The following GCLC variants were observed in gnomAD, a reference collection of about 807,000 sequenced individuals.
GCLC encodes the protein glutamate--cysteine ligase catalytic subunit.
GCLC carries 30 observed loss-of-function variants against 81.5 expected under a neutral mutation model. The ratio of observed to expected loss-of-function variants is 0.37; its 90% CI spans 0.28 to 0.50. The LOEUF (loss-of-function observed/expected upper bound fraction) is 0.50. Among genes scored for constraint, GCLC ranks in the 20% least tolerant of loss-of-function variants. The pLI, the probability that GCLC is intolerant of heterozygous loss-of-function variation, is 0.96. For missense variants in GCLC, 556 were observed against 777.4 expected, an observed-to-expected ratio of 0.72 and a Z score of 3.39; for synonymous variants, 262 against 273.3, an observed-to-expected ratio of 0.96 and a Z score of 0.41.
intron 1 of GCLC, among the ~76,000 whole-genome samples, chr6:53,526,339 CAG>C (rs1279287390): frequency 2.6e-5 from 4 of 152,144 alleles, no homozygotes; most frequent in African/African-American, 9.7e-5. Context: ...ATACAGCAGA[CAG>C]AGAAATACCT....
intron 1 of GCLC, among the ~76,000 whole-genome samples, chr6:53,529,255 T>G (rs576382310): frequency 6.6e-6 from 1 of 152,240 alleles, no homozygotes; most frequent in South Asian, 2.1e-4. Context: ...AATCCTTGAA[T>G]GTAGACCTGC....
Position 53,508,399 on chromosome 6 carries a change from G to C in GCLC, c.945+196C>G, listed in dbSNP as rs2235707. ...GCACTTCCAAAATATAGAAAAATCGGACTACTAATTTTAAATGAAGCTAAA... is the reference window on the plus strand; with the variant it reads ...GCACTTCCAAAATATAGAAAAATCGCACTACTAATTTTAAATGAAGCTAAA... On this transcript the variant is annotated intron_variant, in intron 8 of 15. Transcript: ENST00000650454. 0.17 allele frequency among the ~76,000 whole-genome samples: 25,607 copies of C among 151,996 alleles called. 3,228 individuals are homozygous for C. Among genetic ancestry groups the C allele is most frequent in the Admixed American group, 0.35 (5,288 of 15,270 alleles).
intron 3 of GCLC, among the ~76,000 whole-genome samples, chr6:53,519,789 TCACAG>T (rs1762955301): frequency 3.3e-5 from 5 of 152,116 alleles, no homozygotes; most frequent in Non-Finnish European, 4.4e-5. Flanking sequence ...AATGAAGGTA[TCACAG>T]AAATAGAGAT....
chr6:53,514,338 C>A lies in GCLC; in HGVS notation c.620-1G>T. 6.3e-7 allele frequency: 1 copy of A among 1,587,608 alleles called. No homozygotes were observed. The highest frequency in any genetic ancestry group is 8.7e-7 in the Non-Finnish European group (1 of 1,155,994). On this transcript the variant is annotated splice_acceptor_variant, in intron 5 of 15. Coordinates refer to ENST00000650454, the MANE Select transcript of GCLC (RefSeq NM_001498.4). LOFTEE classifies it high-confidence loss of function. The stretch of plus-strand genomic sequence containing the variant: ...GATGGTGTATTCTTGTCCTTAAATA[C>A]TGTATTATAAAAATACAAAAATAAA...
intron 8 of GCLC, 89 bp downstream of exon 8, chr6:53,508,506 A>C: frequency 2.4e-6 from 2 of 828,288 alleles, no homozygotes; most frequent in Middle Eastern, 2.2e-4. Flanking sequence ...TAAAAATTGC[A>C]GGGAGACATC....
At chr6:53,540,206 C>T (rs907927324) in intron 1 of GCLC, among the ~76,000 whole-genome samples, 1 of 151,844 alleles carries the variant, frequency 6.6e-6, no homozygotes, top group African/African-American at 2.4e-5. Context: ...GATATTAGCA[C>T]TCCAATGTTC....
intron 6 of GCLC, among the ~76,000 whole-genome samples, chr6:53,512,501 A>C (rs1764773797): frequency 6.6e-6 from 1 of 152,130 alleles, no homozygotes; most frequent in African/African-American, 2.4e-5. Context: ...AGATCAAATC[A>C]GTGTACTTGG....
At chr6:53,544,276 AGAAT>A (rs1456011702) in intron 1 of GCLC, among the ~76,000 whole-genome samples, 1 of 152,222 alleles carries the variant, frequency 6.6e-6, no homozygotes, top group South Asian at 2.1e-4. Context: ...AAAACCCAAA[AGAAT>A]GAATGAACAA....
chr6:53,544,568 C>A lies in GCLC; in HGVS notation c.78G>T (p.Gly26=), dbSNP rs376134328. Residue 26 remains glycine, a synonymous_variant, in exon 1 of 16, where the codon GGG becomes GGT. Transcript: ENST00000650454. ...KRHADHVRRH[G]ILQFLHIYHA... Reference sequence around the variant, plus strand: ...GGTAGATGTGCAGGAACTGGAGGATCCCGTGCCGCCGCACGTGGTCGGCAT... The same window carrying A: ...GGTAGATGTGCAGGAACTGGAGGATACCGTGCCGCCGCACGTGGTCGGCAT... 13 of 1,607,322 alleles carry A rather than the reference C, an allele frequency of 8.1e-6. No homozygotes were observed. The highest frequency in any genetic ancestry group is 1.1e-5 in the Non-Finnish European group (13 of 1,179,644).
At chr6:53,512,193 T>C (rs545751) in intron 6 of GCLC, among the ~76,000 whole-genome samples, 69,152 of 151,480 alleles carry the variant, frequency 0.46, 16,074 homozygotes, top group Admixed American at 0.57. Flanking sequence ...GATCTGCCCA[T>C]CTCAGCCTCC....
intron 1 of GCLC, among the ~76,000 whole-genome samples, chr6:53,541,088 G>A (rs1763345840): frequency 1.3e-5 from 2 of 152,218 alleles, no homozygotes; most frequent in Middle Eastern, 6.8e-3. Flanking sequence ...GGTGTTGGGT[G>A]CCTTATAATC....
At position 53,498,993 on chromosome 6, in the gene GCLC, A is replaced by G. The variant is rs539845835; in HGVS notation, c.1703-26T>C. 2.3e-4 allele frequency: 352 copies of G among 1,508,820 alleles called. 5 individuals carry two copies. In the South Asian group the frequency reaches 3.7e-3, roughly 16 times the overall value. The allele number at this position is 1,508,820 out of a possible 1,614,324, so 93.5% of individuals were successfully genotyped here. On this transcript the variant is annotated intron_variant, in intron 15 of 15. Coordinates refer to ENST00000650454, the MANE Select transcript of GCLC (RefSeq NM_001498.4). ...CTGTGGGCGAGGGGGGAGCGAAAAA[A>G]AAATTAAAACCACGTAAGTTTTTTT... is the stretch of plus-strand genomic sequence containing the variant.
At chr6:53,520,135 GA>G in intron 3 of GCLC, among the ~76,000 whole-genome samples, 1 of 152,152 alleles carries the variant, frequency 6.6e-6, no homozygotes, top group Admixed American at 6.5e-5. Flanking sequence ...TAATACATAT[GA>G]TATTCATGTA....
chr6:53,543,008 CA>C (rs1339517151), intron 1 of GCLC, among the ~76,000 whole-genome samples: 4 of 150,172 alleles, frequency 2.7e-5, no homozygotes, highest in Admixed American at 6.6e-5. Flanking sequence ...GATTCTGTCT[CA>C]AAAAAAAAGA....
At chr6:53,511,145 A>T (rs1436681357) in intron 6 of GCLC, among the ~76,000 whole-genome samples, 1 of 148,438 alleles carries the variant, frequency 6.7e-6, no homozygotes, top group Non-Finnish European at 1.5e-5. Flanking sequence ...AGTGCGCAGG[A>T]CAGCATCTGA....
In GCLC at chr6:53,497,929, T is replaced by A. The variant is rs1216963139; in HGVS notation, c.*827A>T. 1 of 152,382 alleles carries A rather than the reference T, an allele frequency of 6.6e-6. No individual in the cohort carries two copies. The highest frequency in any genetic ancestry group is 1.5e-5 in the Non-Finnish European group (1 of 68,010). 9.4% of individuals were successfully genotyped at this position (152,382 alleles called of 1,614,324 possible). A position where few individuals can be genotyped will look rare whatever the true frequency, so the allele number is the denominator to read the frequency against. ...ACAGGCCACAAGAGAAGAACGCCAT[T>A]TTTGACAATATCCTTTGTATGTATA... On this transcript the variant is annotated 3_prime_UTR_variant, in exon 16 of 16. Coordinates refer to ENST00000650454, the MANE Select transcript of GCLC (RefSeq NM_001498.4).
chr6:53,516,915 G>C (rs1764884633), intron 3 of GCLC, among the ~76,000 whole-genome samples: 1 of 152,012 alleles, frequency 6.6e-6, no homozygotes, highest in Non-Finnish European at 1.5e-5. Flanking sequence ...ATCACTTTTA[G>C]TGATGGCCCC....
rs933619602 is a variant in GCLC, at chr6:53,527,704, G to C, written c.151-5177C>G. Among the ~76,000 whole-genome samples the C allele has an allele frequency of 4.6e-5, 7 of 152,346 alleles. No homozygotes were observed. In the East Asian group the frequency reaches 1.2e-3, roughly 25 times the overall value. On this transcript the variant is annotated intron_variant, in intron 1 of 15. Transcript: ENST00000650454. ...AGAGCTGTGCATATGTAACAGCACA[G>C]TCTAAGCCGGTCTAGAAGATCAGAA...
At chr6:53,516,033 A>G (rs1443084531) in intron 4 of GCLC, 76 bp downstream of exon 4, 7 of 890,948 alleles carry the variant, frequency 7.9e-6, no homozygotes, top group Non-Finnish European at 1.3e-5. Flanking sequence ...AAGGATTTCT[A>G]GACAGAAATA....
Sources: allele counts gnomAD v4.1 joint callset (sites outside exome capture counted in the v4.1 genomes callset), GRCh38; gene constraint gnomAD v4.1.1; transcripts MANE v1.5; gene names NCBI Gene and HGNC (gene_info 2026-07-23, HGNC 2026-07-21).